Variants in COX16 observed in about 807,000 individuals in gnomAD.
COX16 encodes cytochrome c oxidase assembly protein COX16 homolog, mitochondrial.
Under a neutral mutation model 15.4 loss-of-function variants are expected in COX16, and 12 were observed. That is an observed-to-expected ratio of 0.78 (90% CI 0.50 to 1.26). COX16 has a LOEUF of 1.26. COX16 is among the 50% of genes most tolerant of loss of function. COX16 has a pLI of 0.00. For synonymous variants in COX16, 46 were observed against 41.1 expected (o/e 1.12, Z -0.46); for missense variants, 124 against 127.6 (o/e 0.97, Z 0.14).
At chr14:70,343,328 CTTCTGG>C (rs896020941) in intron 1 of COX16, among the ~76,000 whole-genome samples, 9 of 152,210 alleles carry the variant, frequency 5.9e-5, no homozygotes, top group African/African-American at 2.2e-4. Flanking sequence ...GCTCTCTCAA[CTTCTGG>C]TTCTGAGTGC....
Sources: allele counts gnomAD v4.1 joint callset (sites outside exome capture counted in the v4.1 genomes callset), GRCh38; gene constraint gnomAD v4.1.1; transcripts MANE v1.5; gene names NCBI Gene and HGNC (gene_info 2026-07-23, HGNC 2026-07-21).